TANC2: variants seen among roughly 807,000 people sequenced by gnomAD.
TANC2 encodes tetratricopeptide repeat, ankyrin repeat and coiled-coil containing 2, also known as protein TANC2.
TANC2 carries 26 observed loss-of-function variants against 210.5 expected under a neutral mutation model. That is an observed-to-expected ratio of 0.12 (90% CI 0.09 to 0.17). TANC2 has a LOEUF of 0.17. Among genes scored for constraint, TANC2 ranks in the 10% least tolerant of loss-of-function variants. The probability of loss-of-function intolerance (pLI) is 1.00; values close to 1 mark genes in which losing one functional copy is unlikely to be tolerated. For synonymous variants in TANC2, 931 were observed against 967.1 expected (o/e 0.96, Z 0.69); for missense variants, 2,129 against 2,608.9 (o/e 0.82, Z 4.01).
chr17:63,411,902 G>T, intron 22 of TANC2, 96 bp from the exon 23 acceptor site: 1 of 1,542,620 alleles, frequency 6.5e-7, no homozygotes, highest in Non-Finnish European at 8.8e-7. Context: ...GGGTAGGCCA[G>T]CAGTTGAAAA....
At chr17:63,097,673 G>GATA (rs1336582228) in intron 3 of TANC2, among the ~76,000 whole-genome samples, 1 of 152,030 alleles carries the variant, frequency 6.6e-6, no homozygotes, top group African/African-American at 2.4e-5. Flanking sequence ...CCACGGGCTA[G>GATA]ATAAGCTTGT....
chr17:63,267,844 G>A (rs944064015), exon 9 of TANC2: 1 of 1,612,864 alleles, frequency 6.2e-7, no homozygotes, highest in South Asian at 1.1e-5. Context: ...CAGAGCATGG[G>A]TGGTGCTCGC....
chr17:63,054,069 G>C (rs1475824897), intron 2 of TANC2, among the ~76,000 whole-genome samples: 1 of 152,136 alleles, frequency 6.6e-6, no homozygotes, highest in East Asian at 1.9e-4. Flanking sequence ...TTTTAGTATT[G>C]CTACTTACTA....
intron 11 of TANC2, among the ~76,000 whole-genome samples, chr17:63,325,164 C>G (rs772142734): frequency 1.3e-5 from 2 of 151,760 alleles, no homozygotes; most frequent in Non-Finnish European, 2.9e-5. Flanking sequence ...CAGTAGCACT[C>G]CCTCAACCTC....
rs536818570 is a variant in TANC2 at position 63,240,095 on chromosome 17, A to G, written c.1033+2018A>G. Reference sequence around the variant, plus strand: ...CAGATCCAAACCATATCAACTGTACATTATGAAAAGTTCCAGGCAAGCCTG... The same window carrying G: ...CAGATCCAAACCATATCAACTGTACGTTATGAAAAGTTCCAGGCAAGCCTG... On this transcript the variant is annotated intron_variant, in intron 8 of 27. Transcript: ENST00000689528. Among the ~76,000 whole-genome samples the G allele has an allele frequency of 3.4e-4, 52 of 152,348 alleles. No homozygotes were observed. The South Asian group carries it at 4.8e-3, about 14-fold the overall frequency.
chr17:63,295,532 A>T (rs762154431), intron 9 of TANC2, among the ~76,000 whole-genome samples: 1 of 152,180 alleles, frequency 6.6e-6, no homozygotes, highest in Admixed American at 6.5e-5. Context: ...GAAAGCAACG[A>T]AGTCTCTGAA....
chr17:63,338,973 G>A (rs950986320), intron 11 of TANC2: 1 of 152,304 alleles, frequency 6.6e-6, no homozygotes, highest in African/African-American at 2.4e-5. Flanking sequence ...TGATGAGTTA[G>A]AGGTGGTGTT....
chr17:63,013,762 TAAAAAAAAAA>T (rs34126221), intron 2 of TANC2, among the ~76,000 whole-genome samples: 64 of 101,766 alleles, frequency 6.3e-4, no homozygotes, highest in African/African-American at 2.1e-3. Context: ...ACCCTGTCTT[TAAAAAAAAAA>T]AAAAAAAAAA....
At chr17:63,234,312 C>T (rs1032099919) in intron 7 of TANC2, among the ~76,000 whole-genome samples, 6 of 152,152 alleles carry the variant, frequency 3.9e-5, no homozygotes, top group Admixed American at 3.9e-4. Context: ...AATACTATGT[C>T]CTCTCATTAC....
At chr17:62,983,089 C>T (rs1450470225) in intron 1 of TANC2, among the ~76,000 whole-genome samples, 1 of 152,124 alleles carries the variant, frequency 6.6e-6, no homozygotes, top group African/African-American at 2.4e-5. Flanking sequence ...TAGCATAAGA[C>T]ATTTTTCCAT....
rs1300453740 is a variant in TANC2 at position 63,109,394 on chromosome 17, G to A, written c.322+10037G>A. Among the ~76,000 whole-genome samples, 2 of 151,390 alleles carry A rather than the reference G, an allele frequency of 1.3e-5. 1 individual carries two copies. The highest frequency in any genetic ancestry group is 4.9e-5 in the African/African-American group (2 of 40,836). On this transcript the variant is annotated intron_variant, in intron 4 of 27. Transcript: ENST00000689528. ...TTAGTCACTAATCTTTTTATTATAA[G>A]GGAATACAGCATATAGCTTTATAGC...
intron 2 of TANC2, among the ~76,000 whole-genome samples, chr17:63,065,586 TATTA>T (rs2144581529): frequency 6.6e-6 from 1 of 152,328 alleles, no homozygotes; most frequent in East Asian, 1.9e-4. Flanking sequence ...TCTTTTGTCT[TATTA>T]ATTATGTATG....
chr17:63,057,832 A>G (rs1023889962), intron 2 of TANC2, among the ~76,000 whole-genome samples: 15 of 152,184 alleles, frequency 9.9e-5, no homozygotes, highest in African/African-American at 3.4e-4. Context: ...CCAGTCTGCC[A>G]TTGATGGGCA....
At chr17:63,288,744 AAAAT>A (rs1235842147) in intron 9 of TANC2, among the ~76,000 whole-genome samples, 4 of 152,320 alleles carry the variant, frequency 2.6e-5, no homozygotes, top group Admixed American at 2.6e-4. Flanking sequence ...GAATAAAAAA[AAAAT>A]AAAAGTTTGT....
intron 5 of TANC2, among the ~76,000 whole-genome samples, chr17:63,176,506 C>A (rs1010873109): frequency 6.6e-6 from 1 of 151,976 alleles, no homozygotes; most frequent in South Asian, 2.1e-4. Context: ...AAAATAGAAA[C>A]TAAAATAACA....
At chr17:63,170,202 C>T (rs2040356002) in intron 5 of TANC2, among the ~76,000 whole-genome samples, 1 of 150,260 alleles carries the variant, frequency 6.7e-6, no homozygotes, top group Admixed American at 6.6e-5. Context: ...CCGAGGCGGG[C>T]AGATCACGAG....
chr17:63,156,717 T>C (rs76946280), intron 5 of TANC2, among the ~76,000 whole-genome samples: 12 of 152,186 alleles, frequency 7.9e-5, no homozygotes, highest in Admixed American at 2.0e-4. Flanking sequence ...TCTTTTTTTT[T>C]TCTCTCTCTC....
intron 1 of TANC2, among the ~76,000 whole-genome samples, chr17:62,997,488 T>A (rs2033173472): frequency 6.6e-6 from 1 of 152,192 alleles, no homozygotes; most frequent in Non-Finnish European, 1.5e-5. Context: ...TTACTTTTTA[T>A]AATTATATGA....
chr17:63,309,326 A>G (rs1464654665), intron 9 of TANC2, among the ~76,000 whole-genome samples: 2 of 152,218 alleles, frequency 1.3e-5, no homozygotes, highest in Non-Finnish European at 2.9e-5. Flanking sequence ...TGCTACCAGT[A>G]ACTGAAGAAA....
Sources: allele counts gnomAD v4.1 joint callset (sites outside exome capture counted in the v4.1 genomes callset), GRCh38; gene constraint gnomAD v4.1.1; transcripts MANE v1.5; gene names NCBI Gene and HGNC (gene_info 2026-07-23, HGNC 2026-07-21).